Variants in PRKG1 observed in about 807,000 individuals in gnomAD.
PRKG1 encodes the protein protein kinase cGMP-dependent 1, also known as cGMP-dependent protein kinase 1.
Under a neutral mutation model 88.1 loss-of-function variants are expected in PRKG1, and 35 were observed. That is an observed-to-expected ratio of 0.40 (90% CI 0.30 to 0.53). PRKG1 has a LOEUF of 0.53. Ranked by LOEUF, PRKG1 falls within the 20% of genes least tolerant of loss-of-function variation. PRKG1 has a pLI of 0.59. For missense variants in PRKG1, 540 were observed against 839.8 expected (o/e 0.64, Z 4.41); for synonymous variants, 303 against 292.5 (o/e 1.04, Z -0.37).
In PRKG1 at chr10:51,699,536, G is replaced by A. The variant is rs751998761; in HGVS notation, c.593-105049G>A. ...TCGATCCATTGCCGGGTCTCTCACC[G>A]CCAAACTCGACATGATTCCGGTTGT... On this transcript the variant is annotated intron_variant, in intron 3 of 17. Coordinates refer to ENST00000373980, the MANE Select transcript of PRKG1 (RefSeq NM_006258.4). 2.5e-6 allele frequency: 4 copies of A among 1,609,742 alleles called. No individual in the cohort carries two copies. The highest frequency in any genetic ancestry group is 4.5e-5 in the East Asian group (2 of 44,850).
At chr10:51,978,019 G>A (rs761406707) in intron 5 of PRKG1, among the ~76,000 whole-genome samples, 78 of 152,074 alleles carry the variant, frequency 5.1e-4, no homozygotes, top group African/African-American at 1.8e-3. Flanking sequence ...AATTGCTTTG[G>A]CATCTTTGTC....
At chr10:51,730,154 T>C (rs1452512892) in intron 3 of PRKG1, among the ~76,000 whole-genome samples, 1 of 152,110 alleles carries the variant, frequency 6.6e-6, no homozygotes, top group East Asian at 2.0e-4. Context: ...AGAAGTGTTT[T>C]CAGTTGTAGT....
Position 51,483,957 on chromosome 10 carries a change from A to G in PRKG1, c.592+16121A>G, listed in dbSNP as rs537844326. Among the ~76,000 whole-genome samples, 10 of 152,294 alleles carry G rather than the reference A, an allele frequency of 6.6e-5. No individual in the cohort carries two copies. In the South Asian group the frequency reaches 1.9e-3, roughly 28 times the overall value. ...AACTAATAATCTAAGCAAATTCATA[A>G]GGCTTTTTTTTCTGACACGTGAAAG... On this transcript the variant is annotated intron_variant, in intron 3 of 17. Transcript: ENST00000373980.
chr10:51,884,228 C>T (rs12781974), intron 4 of PRKG1, among the ~76,000 whole-genome samples: 50,869 of 149,750 alleles, frequency 0.34, 9,935 homozygotes, highest in African/African-American at 0.5. Flanking sequence ...GGGCAGATCA[C>T]GAGGTCAGGA....
At chr10:51,813,710 T>C (rs1839514588) in intron 4 of PRKG1, among the ~76,000 whole-genome samples, 2 of 152,142 alleles carry the variant, frequency 1.3e-5, no homozygotes, top group Admixed American at 1.3e-4. Flanking sequence ...TCCCTGCACA[T>C]TGCTGTCCTG....
intron 10 of PRKG1, among the ~76,000 whole-genome samples, chr10:52,253,152 G>A (rs1230066151): frequency 2.6e-5 from 4 of 151,926 alleles, no homozygotes; most frequent in Admixed American, 6.6e-5. Context: ...ATTTCTCAGA[G>A]AGTGATTGTA....
At position 52,067,159 on chromosome 10, in the gene PRKG1, T is replaced by G. The variant is rs1053780150; in HGVS notation, c.935+4528T>G. Among the ~76,000 whole-genome samples the G allele has an allele frequency of 5.9e-5, 9 of 152,324 alleles. No homozygotes were observed. In the South Asian group the frequency reaches 1.9e-3, roughly 32 times the overall value. On this transcript the variant is annotated intron_variant, in intron 7 of 17. Transcript: ENST00000373980. The stretch of plus-strand genomic sequence containing the variant: ...ATAAAATCTTTTGGGCAACTGTGTA[T>G]ATCCTTTGGGTAATAGCTATGCTTG...
At chr10:51,573,412 T>C (rs1346467409) in intron 3 of PRKG1, among the ~76,000 whole-genome samples, 2 of 151,960 alleles carry the variant, frequency 1.3e-5, no homozygotes, top group Non-Finnish European at 2.9e-5. Context: ...ATATAAATTT[T>C]CCTTTTGGTT....
intron 2 of PRKG1, among the ~76,000 whole-genome samples, chr10:51,379,383 T>C (rs967261347): frequency 6.6e-6 from 1 of 152,236 alleles, no homozygotes; most frequent in African/African-American, 2.4e-5. Flanking sequence ...GTAAAGTTAT[T>C]TTCATTATTA....
chr10:51,954,591 T>A (rs1263031009), intron 5 of PRKG1, among the ~76,000 whole-genome samples: 1 of 152,194 alleles, frequency 6.6e-6, no homozygotes, highest in Admixed American at 6.5e-5. Context: ...AGAAAACATA[T>A]CACACCTTAG....
At chr10:51,463,816 G>A (rs1326582357) in intron 2 of PRKG1, among the ~76,000 whole-genome samples, 2 of 152,176 alleles carry the variant, frequency 1.3e-5, no homozygotes, top group African/African-American at 4.8e-5. Context: ...GTCTCTGAAA[G>A]AGCCCTCATT....
intron 3 of PRKG1, among the ~76,000 whole-genome samples, chr10:51,515,227 C>T (rs972673128): frequency 6.6e-6 from 1 of 152,080 alleles, no homozygotes; most frequent in Non-Finnish European, 1.5e-5. Context: ...AATAGGGAAT[C>T]AGCAGTTTTA....
intron 3 of PRKG1, among the ~76,000 whole-genome samples, chr10:51,614,222 C>CT (rs1486236350): frequency 2.6e-5 from 4 of 151,750 alleles, no homozygotes; most frequent in African/African-American, 7.3e-5. Context: ...GAAGACTGAT[C>CT]TCTTTATCAT....
chr10:51,399,532 A>G (rs1249750827), intron 2 of PRKG1, among the ~76,000 whole-genome samples: 1 of 152,188 alleles, frequency 6.6e-6, no homozygotes, highest in African/African-American at 2.4e-5. Context: ...CCCCTTGCCT[A>G]TGTTTGGTGA....
chr10:52,199,050 A>G lies in PRKG1; in HGVS notation c.1076+37087A>G, dbSNP rs895011211. Among the ~76,000 whole-genome samples the G allele has an allele frequency of 7.3e-5, 11 of 151,570 alleles. No homozygotes were observed. In the East Asian group the frequency reaches 2.0e-3, roughly 27 times the overall value. On this transcript the variant is annotated intron_variant, in intron 9 of 17. Coordinates refer to ENST00000373980, the MANE Select transcript of PRKG1 (RefSeq NM_006258.4). ...CTACTTTGAACACACCCAAGATGAC[A>G]TTTGATGAAGGATGAGATTGGATTC...
intron 2 of PRKG1, among the ~76,000 whole-genome samples, chr10:51,237,869 G>A (rs1374447413): frequency 6.6e-6 from 1 of 152,050 alleles, no homozygotes; most frequent in Non-Finnish European, 1.5e-5. Context: ...AAGTCCCTGG[G>A]ACTTCCAAGT....
chr10:51,096,235 ACT>A (rs1844524474), intron 1 of PRKG1, among the ~76,000 whole-genome samples: 1 of 151,936 alleles, frequency 6.6e-6, no homozygotes, highest in South Asian at 2.1e-4. Flanking sequence ...CCGATCCAGG[ACT>A]CTGTGTAATG....
rs533246848 is a variant in PRKG1, at chr10:51,889,231, C to G, written c.699-18276C>G. 2.4e-5 allele frequency among the ~76,000 whole-genome samples: 3 copies of G among 125,316 alleles called. No individual in the cohort carries two copies. The East Asian group carries it at 8.4e-4, about 35-fold the overall frequency. 82.2% of individuals were successfully genotyped at this position (125,316 alleles called of 152,430 possible). On this transcript the variant is annotated intron_variant, in intron 4 of 17. Transcript: ENST00000373980. ...CCCCTCCCCCCACCCCACAACAGGCCCCGGTGTGTGATGTTCCCCTTCCTG... is the reference window on the plus strand; with the variant it reads ...CCCCTCCCCCCACCCCACAACAGGCGCCGGTGTGTGATGTTCCCCTTCCTG...
chr10:50,993,716 C>G (rs1261047574), intron 1 of PRKG1, among the ~76,000 whole-genome samples: 1 of 152,240 alleles, frequency 6.6e-6, no homozygotes, highest in Non-Finnish European at 1.5e-5. Context: ...GAGATTTCAC[C>G]AGGATATGGA....
Sources: allele counts gnomAD v4.1 joint callset (sites outside exome capture counted in the v4.1 genomes callset), GRCh38; gene constraint gnomAD v4.1.1; transcripts MANE v1.5; gene names NCBI Gene and HGNC (gene_info 2026-07-23, HGNC 2026-07-21).